The following STK3 variants were observed in gnomAD, a reference collection of about 807,000 sequenced individuals.
STK3 encodes the protein serine/threonine kinase 3.
STK3 carries 41 observed loss-of-function variants against 58.0 expected under a neutral mutation model. The ratio of observed to expected loss-of-function variants is 0.71; its 90% CI spans 0.55 to 0.92. STK3 has a LOEUF of 0.92. Among genes scored for constraint, STK3 ranks in the 40% least tolerant of loss-of-function variants. The pLI is 0.00. For missense variants in STK3, 479 were observed against 602.7 expected, an observed-to-expected ratio of 0.79 and a Z score of 2.15; for synonymous variants, 170 against 191.0, an observed-to-expected ratio of 0.89 and a Z score of 0.91.
intron 6 of STK3, chr8:98,596,435 AAAG>A (rs1461020393): frequency 3.6e-6 from 1 of 278,612 alleles, no homozygotes; most frequent in Admixed American, 4.5e-5. Flanking sequence ...ATCAGTCTCT[AAAG>A]AAGACTATAT....
chr8:98,703,152 T>C (rs940380754), intron 6 of STK3, among the ~76,000 whole-genome samples: 7 of 152,186 alleles, frequency 4.6e-5, no homozygotes, highest in African/African-American at 1.7e-4. Context: ...TCAGTAATTA[T>C]AATATTGTGA....
chr8:98,712,086 G>C (rs1362462415), intron 4 of STK3, among the ~76,000 whole-genome samples: 2 of 152,186 alleles, frequency 1.3e-5, no homozygotes, highest in Non-Finnish European at 2.9e-5. Flanking sequence ...CAAAGGCTGA[G>C]AGATTTTGTC....
chr8:98,598,179 A>G (rs1008925425), intron 6 of STK3: 6 of 985,300 alleles, frequency 6.1e-6, no homozygotes, highest in Non-Finnish European at 7.2e-6. Flanking sequence ...GGTGGATAAC[A>G]CAATGATTTA....
chr8:98,707,755 G>A (rs142529384), intron 4 of STK3, among the ~76,000 whole-genome samples: 2 of 151,834 alleles, frequency 1.3e-5, no homozygotes, highest in East Asian at 1.9e-4. Flanking sequence ...ATGCTAAAGG[G>A]GTAAATAATC....
chr8:98,530,204 T>C (rs190682198), intron 9 of STK3, among the ~76,000 whole-genome samples: 2 of 152,302 alleles, frequency 1.3e-5, no homozygotes, highest in African/African-American at 4.8e-5. Context: ...TGTGCAGATT[T>C]GTTACATAGG....
intron 6 of STK3, among the ~76,000 whole-genome samples, chr8:98,681,314 T>C (rs1409070713): frequency 6.6e-6 from 1 of 152,044 alleles, no homozygotes; most frequent in African/African-American, 2.4e-5. Context: ...TCCACCTTTC[T>C]ATACTCTCTA....
chr8:98,666,512 A>G (rs1563867836), intron 6 of STK3, among the ~76,000 whole-genome samples: 1 of 152,312 alleles, frequency 6.6e-6, no homozygotes, highest in South Asian at 2.1e-4. Flanking sequence ...AATATAACCT[A>G]TATTTCTTAA....
intron 1 of STK3, among the ~76,000 whole-genome samples, chr8:98,912,712 G>A (rs1177534323): frequency 1.3e-5 from 2 of 152,132 alleles, no homozygotes; most frequent in Non-Finnish European, 2.9e-5. Flanking sequence ...AGAGAGACCA[G>A]GGATGTTACT....
At chr8:98,697,562 T>C (rs1825088455) in intron 6 of STK3, among the ~76,000 whole-genome samples, 1 of 152,230 alleles carries the variant, frequency 6.6e-6, no homozygotes, top group Non-Finnish European at 1.5e-5. Context: ...ATTGTGTCTT[T>C]GCTATCATTG....
chr8:98,457,427 A>G (rs149519400), intron 10 of STK3, among the ~76,000 whole-genome samples: 27 of 152,346 alleles, frequency 1.8e-4, no homozygotes, highest in African/African-American at 6.0e-4. Context: ...AACTATGTCT[A>G]TGTAGGATCC....
upstream of STK3, chr8:98,825,805 C>G (rs1314953231): frequency 1.3e-5 from 1 of 74,812 alleles, no homozygotes; most frequent in African/African-American, 5.0e-5. Flanking sequence ...GCCGCCCCGC[C>G]CCGCCCCCGG....
At chr8:98,545,457 C>T (rs1586827149) in intron 9 of STK3, among the ~76,000 whole-genome samples, 1 of 152,158 alleles carries the variant, frequency 6.6e-6, no homozygotes, top group South Asian at 2.1e-4. Context: ...ATAGGGTCCA[C>T]GTCCATTTTT....
rs761214264 is a variant in STK3, at chr8:98,455,967, G to A, written c.1351C>T (p.Arg451Trp). ...KNLSLEELQM[R>W]LKALDPMMER... is the part of the protein sequence containing the mutation. The stretch of plus-strand genomic sequence containing the variant: ...ATCATGGGGTCCAGTGCTTTTAACC[G>A]CATCTGTAGTTCTTCTAAACTTAGA... The change falls in exon 11 of 11, where the codon CGG becomes TGG. Residue 451 changes from arginine (R) to tryptophan (W), a missense_variant. By Grantham distance (101) the Arg-to-Trp change is moderately radical. Transcript: ENST00000419617. 2.5e-6 allele frequency: 4 copies of A among 1,611,568 alleles called. No individual in the cohort carries two copies. The highest frequency in any genetic ancestry group is 1.7e-5 in the Admixed American group (1 of 59,694).
chr8:98,372,693 G>A (rs1026330529), intron 2 of STK3, among the ~76,000 whole-genome samples: 12 of 152,296 alleles, frequency 7.9e-5, no homozygotes, highest in Admixed American at 2.0e-4. Flanking sequence ...CATTGGCTCC[G>A]CTTCAGTCTG....
intron 3 of STK3, among the ~76,000 whole-genome samples, chr8:98,414,286 A>G (rs540515865): frequency 2.6e-5 from 4 of 152,188 alleles, no homozygotes; most frequent in Non-Finnish European, 5.9e-5. Context: ...ATAAAAAAAT[A>G]AAATAAAATA....
chr8:98,471,452 C>T (rs571088505), intron 10 of STK3, among the ~76,000 whole-genome samples: 2 of 151,324 alleles, frequency 1.3e-5, no homozygotes, highest in African/African-American at 4.9e-5. Context: ...TACAGCTAAC[C>T]TACCAAACAT....
chr8:98,402,729 G>T (rs1817956126), intron 3 of STK3, among the ~76,000 whole-genome samples: 1 of 152,204 alleles, frequency 6.6e-6, no homozygotes, highest in African/African-American at 2.4e-5. Context: ...CTTGGGAACA[G>T]TCTGTGCTTG....
At chr8:98,403,150 G>A (rs1817960677) in intron 3 of STK3, among the ~76,000 whole-genome samples, 1 of 152,248 alleles carries the variant, frequency 6.6e-6, no homozygotes, top group African/African-American at 2.4e-5. Context: ...AGGTGGGCCT[G>A]CCTTGCAGGA....
intron 1 of STK3, among the ~76,000 whole-genome samples, chr8:98,788,859 C>T (rs1832636526): frequency 1.3e-5 from 2 of 152,274 alleles, no homozygotes; most frequent in African/African-American, 4.8e-5. Context: ...GTCATCAACA[C>T]AGAAAGTCAA....
Sources: allele counts gnomAD v4.1 joint callset (sites outside exome capture counted in the v4.1 genomes callset), GRCh38; gene constraint gnomAD v4.1.1; transcripts MANE v1.5; gene names NCBI Gene and HGNC (gene_info 2026-07-23, HGNC 2026-07-21).